CLCN5: variants seen among roughly 807,000 people sequenced by gnomAD.
CLCN5 encodes the protein Cl-/H+ antiporter 5.
In CLCN5, 17 loss-of-function variants were observed where a neutral mutation model predicts 54.0. The observed-to-expected ratio is 0.31, with a 90% confidence interval of 0.22 to 0.47. The LOEUF (loss-of-function observed/expected upper bound fraction) is 0.47. CLCN5 is among the 20% of genes least tolerant of loss of function. The pLI is 1.00. For missense variants in CLCN5, 448 were observed against 646.7 expected, an observed-to-expected ratio of 0.69 and a Z score of 3.33; for synonymous variants, 222 against 233.0, an observed-to-expected ratio of 0.95 and a Z score of 0.43.
chrX:50,018,238 C>T (rs1930886433), intron 3 of CLCN5, among the ~76,000 whole-genome samples: 1 of 111,514 alleles, frequency 9.0e-6, no homozygotes, highest in Non-Finnish European at 1.9e-5. Flanking sequence ...ATGTAAATAG[C>T]ATTGTGTTCT....
chrX:50,064,937 C>A (rs1602104408), intron 4 of CLCN5, among the ~76,000 whole-genome samples: 2 of 110,601 alleles, frequency 1.8e-5, no homozygotes, highest in East Asian at 5.5e-4. Context: ...ATAAATGGTG[C>A]TGGGAAAACT....
intron 3 of CLCN5, among the ~76,000 whole-genome samples, chrX:49,941,079 C>G (rs1054666327): frequency 7.2e-5 from 8 of 111,488 alleles, no homozygotes; most frequent in Non-Finnish European, 1.1e-4. Flanking sequence ...GTAATCCCGG[C>G]ACTTTGGGAG....
At chrX:50,056,563 A>T (rs1557188981) in intron 4 of CLCN5, among the ~76,000 whole-genome samples, 1 of 111,812 alleles carries the variant, frequency 8.9e-6, no homozygotes, top group East Asian at 2.8e-4. Flanking sequence ...GCCTGCAGAT[A>T]CCAAGCCAAA....
chrX:49,925,125 G>A, intron 2 of CLCN5, 46 bp from the exon 3 acceptor site: 2 of 518,683 alleles, frequency 3.9e-6, no homozygotes, highest in Non-Finnish European at 6.7e-6. Context: ...AGCATTTGAA[G>A]TGTATAGTTT....
intron 3 of CLCN5, among the ~76,000 whole-genome samples, chrX:50,013,941 T>C (rs1322146717): frequency 8.9e-6 from 1 of 112,381 alleles, no homozygotes; most frequent in Non-Finnish European, 1.9e-5. Context: ...TCCTGCTGTT[T>C]GGGAATGCCA....
At chrX:50,005,413 T>A (rs1368588237) in intron 3 of CLCN5, among the ~76,000 whole-genome samples, 1 of 111,431 alleles carries the variant, frequency 9.0e-6, no homozygotes, top group East Asian at 2.8e-4. Context: ...AATCCCATTA[T>A]TCTCTTGATT....
intron 7 of CLCN5, among the ~76,000 whole-genome samples, chrX:50,078,600 T>A (rs1933541185): frequency 8.9e-6 from 1 of 112,627 alleles, no homozygotes; most frequent in Non-Finnish European, 1.9e-5. Flanking sequence ...TGCCATTTTG[T>A]CCTATGTGGA....
chrX:50,063,028 T>C (rs1557190190), intron 4 of CLCN5, among the ~76,000 whole-genome samples: 3 of 110,603 alleles, frequency 2.7e-5, no homozygotes, highest in African/African-American at 1.0e-4. Flanking sequence ...GGGAAATTTA[T>C]AGCACTAAAT....
chrX:50,039,059 G>T (rs1859216753), intron 3 of CLCN5, among the ~76,000 whole-genome samples: 1 of 111,638 alleles, frequency 9.0e-6, no homozygotes, highest in African/African-American at 3.3e-5. Context: ...TGGGAGGATT[G>T]CTTGAGCCCA....
chrX:50,077,617 A>AGT (rs1163246271), intron 7 of CLCN5, among the ~76,000 whole-genome samples: 3 of 91,403 alleles, frequency 3.3e-5, no homozygotes, highest in Non-Finnish European at 6.3e-5. Flanking sequence ...AGAGAGAGAG[A>AGT]GAGAGTGTGT....
chrX:49,977,286 G>A (rs1318716698), intron 3 of CLCN5, among the ~76,000 whole-genome samples: 1 of 111,425 alleles, frequency 9.0e-6, no homozygotes, highest in Non-Finnish European at 1.9e-5. Flanking sequence ...CCCTAACATT[G>A]AATATACCCT....
intron 3 of CLCN5, among the ~76,000 whole-genome samples, chrX:50,012,223 G>C (rs1211045686): frequency 9.0e-6 from 1 of 111,438 alleles, no homozygotes; most frequent in Non-Finnish European, 1.9e-5. Context: ...AACTACAAAA[G>C]GTGTGTCTCC....
intron 9 of CLCN5, among the ~76,000 whole-genome samples, chrX:50,082,741 T>C (rs782570412): frequency 8.9e-6 from 1 of 112,329 alleles, no homozygotes; most frequent in Non-Finnish European, 1.9e-5. Context: ...TCTTACAAAA[T>C]AAGTTACAGA....
At chrX:49,935,585 A>G (rs1925910312) in intron 3 of CLCN5, among the ~76,000 whole-genome samples, 1 of 111,903 alleles carries the variant, frequency 8.9e-6, no homozygotes, top group Admixed American at 9.5e-5. Flanking sequence ...TATGAAAAAG[A>G]ATAGTAGAGA....
Position 50,075,973 on chromosome X carries a change from C to G in CLCN5, c.594C>G (p.Ser198Arg), listed in dbSNP as rs782191345. The G allele has an allele frequency of 3.7e-5, 45 of 1,202,887 alleles. No individual in the cohort carries two copies. Among genetic ancestry groups the G allele is most frequent in the Non-Finnish European group, 4.5e-5 (40 of 888,401 alleles). ...EWNSWSQLII[S>R]TDEGAFAYIV... ...ATAGTTGGTCCCAGCTTATCATCAG[C>G]ACAGATGAGGTAACATGTAGTGATG... is the stretch of plus-strand genomic sequence containing the variant. Residue 198 changes from serine (S) to arginine (R), a missense_variant, in exon 7 of 15, where the codon AGC becomes AGG. Physicochemically the swap from Ser to Arg is moderately radical, Grantham distance 110. Coordinates refer to ENST00000376091, the MANE Select transcript of CLCN5 (RefSeq NM_001127898.4).
At chrX:50,011,103 A>G in intron 3 of CLCN5, among the ~76,000 whole-genome samples, 1 of 111,659 alleles carries the variant, frequency 9.0e-6, no homozygotes, top group African/African-American at 3.3e-5. Context: ...GTCCTCACAG[A>G]GTGGTCCCTC....
At chrX:49,984,566 T>A (rs1170553993) in intron 3 of CLCN5, among the ~76,000 whole-genome samples, 1 of 111,452 alleles carries the variant, frequency 9.0e-6, no homozygotes, top group African/African-American at 3.3e-5. Flanking sequence ...TCTTTCTTTC[T>A]TTCTCTCTCT....
chrX:50,059,954 A>C (rs1932824041), intron 4 of CLCN5, among the ~76,000 whole-genome samples: 1 of 104,327 alleles, frequency 9.6e-6, no homozygotes, highest in Admixed American at 1.1e-4. Context: ...GTGTGAAATA[A>C]TCTTATAGAT....
At chrX:49,982,856 A>G (rs1928810847) in intron 3 of CLCN5, among the ~76,000 whole-genome samples, 1 of 111,769 alleles carries the variant, frequency 8.9e-6, no homozygotes, top group Admixed American at 9.5e-5. Flanking sequence ...TTTTCCAACT[A>G]ATGTTATTTT....
Sources: allele counts gnomAD v4.1 joint callset (sites outside exome capture counted in the v4.1 genomes callset), GRCh38; gene constraint gnomAD v4.1.1; transcripts MANE v1.5; gene names NCBI Gene and HGNC (gene_info 2026-07-23, HGNC 2026-07-21).